The following MAP3K14 variants were observed in gnomAD, a reference collection of about 807,000 sequenced individuals.
MAP3K14 encodes NF-kappa-beta-inducing kinase.
MAP3K14 carries 16 observed loss-of-function variants against 99.2 expected under a neutral mutation model. The ratio of observed to expected loss-of-function variants is 0.16; its 90% CI spans 0.11 to 0.24. The LOEUF is 0.24. MAP3K14 is among the 10% of genes least tolerant of loss of function. The pLI is 1.00. For missense variants in MAP3K14, 784 were observed against 1,208.7 expected (o/e 0.65, Z 5.21); for synonymous variants, 462 against 492.4 (o/e 0.94, Z 0.82).
chr17:45,266,417 A>T (rs1482593153), intron 14 of MAP3K14, 120 bp downstream of exon 14: 85 of 1,316,346 alleles, frequency 6.5e-5, no homozygotes, highest in Non-Finnish European at 8.4e-5. Flanking sequence ...TTCTGGGACC[A>T]GGCGCCTTCC....
Position 45,274,567 on chromosome 17 carries a change from C to T in MAP3K14, c.1317G>A (p.Glu439=). 1 of 1,613,978 alleles carries T rather than the reference C, an allele frequency of 6.2e-7. No homozygotes were observed. ...TCAATCCTGCACATGCCATCAGCTCCTCTGCCCGAAATACTTCCAGCCGCA... is the reference window on the plus strand; with the variant it reads ...TCAATCCTGCACATGCCATCAGCTCTTCTGCCCGAAATACTTCCAGCCGCA... ...KKVRLEVFRA[E]ELMACAGLTS... Residue 439 remains glutamate (E), a synonymous_variant, in exon 7 of 16, where the codon GAG becomes GAA. Transcript: ENST00000344686.
In MAP3K14 at chr17:45,312,968, C is replaced by G. The variant is rs1377100999; in HGVS notation, c.-21+3992G>C. The stretch of plus-strand genomic sequence containing the variant: ...CCTCCAGGATTAATGCAGGAACCTA[C>G]TTGATCACGTGTGGGACACAGGAAG... On this transcript the variant is annotated intron_variant, in intron 1 of 15. Coordinates refer to ENST00000344686, the MANE Select transcript of MAP3K14 (RefSeq NM_003954.5). Among the ~76,000 whole-genome samples the G allele has an allele frequency of 1.3e-4, 20 of 152,208 alleles. 1 individual carries two copies. The highest frequency in any genetic ancestry group is 1.3e-3 in the Admixed American group (20 of 15,280).
chr17:45,267,960 T>A lies in MAP3K14; in HGVS notation c.1973-201A>T, dbSNP rs536781932. The stretch of plus-strand genomic sequence containing the variant: ...CTTCCTCAATAAAATGGTCCCAATA[T>A]GACAGGGATAGGACTGGATTTCTGT... On this transcript the variant is annotated intron_variant, in intron 11 of 15. Transcript: ENST00000344686. This position sits in a 1 kb window ranked among gnomAD's most constrained non-coding sequence, Gnocchi z 5.1. 10 of 541,198 alleles carry A rather than the reference T, an allele frequency of 1.8e-5. No homozygotes were observed. The Admixed American group carries it at 3.8e-4, about 21-fold the overall frequency. The allele number at this position is 541,198 out of a possible 1,614,324, so 33.5% of individuals were successfully genotyped here.
rs1036392760 is a variant in MAP3K14, at chr17:45,300,001, A to T, written c.-20-9236T>A. On this transcript the variant is annotated intron_variant, in intron 1 of 15. Transcript: ENST00000344686. ...GCTACTCAGGAGGCTGAGATGAGAG[A>T]ATTGCTTGAACCTAGAGGTGGAGGT... 2.6e-5 allele frequency among the ~76,000 whole-genome samples: 4 copies of T among 152,102 alleles called. No individual in the cohort carries two copies. In the East Asian group the frequency reaches 7.7e-4, roughly 29 times the overall value.
At chr17:45,293,870 T>C (rs2044329988) in intron 1 of MAP3K14, among the ~76,000 whole-genome samples, 1 of 152,078 alleles carries the variant, frequency 6.6e-6, no homozygotes, top group African/African-American at 2.4e-5. Context: ...CGGATGCACT[T>C]GCTCCCTCCC....
At position 45,284,797 on chromosome 17, in the gene MAP3K14, T is replaced by G; in HGVS notation, c.1290+15A>C. On this transcript the variant is annotated intron_variant, in intron 6 of 15. Transcript: ENST00000344686. The stretch of plus-strand genomic sequence containing the variant: ...CTGGCTTCCCTCTTCACTCAGCCCC[T>G]GAGCCCTGGCGTACCTTTTTGACAG... 6.3e-7 allele frequency: 1 copy of G among 1,585,362 alleles called. No individual in the cohort carries two copies. The highest frequency in any genetic ancestry group is 8.6e-7 in the Non-Finnish European group (1 of 1,166,138).
intron 1 of MAP3K14, among the ~76,000 whole-genome samples, chr17:45,315,290 C>A (rs1288830976): frequency 6.6e-6 from 1 of 151,972 alleles, no homozygotes; most frequent in African/African-American, 2.4e-5. Flanking sequence ...GACAAAAAAC[C>A]CCCTTCAGAA....
At chr17:45,289,773 C>G (rs936345713) in intron 2 of MAP3K14, among the ~76,000 whole-genome samples, 1 of 152,142 alleles carries the variant, frequency 6.6e-6, no homozygotes, top group Non-Finnish European at 1.5e-5. Flanking sequence ...AAAAACCAAC[C>G]AGGAGGAAGT....
In MAP3K14 at chr17:45,298,105, CAT is replaced by C. The variant is rs1406441769; in HGVS notation, c.-20-7342_-20-7341del. Among the ~76,000 whole-genome samples, 3 of 152,262 alleles carry C rather than the reference CAT, an allele frequency of 2.0e-5. No individual in the cohort carries two copies. The East Asian group carries it at 5.8e-4, about 29-fold the overall frequency. Reference sequence around the variant, plus strand: ...GGGTTGTTCAATGGGTAAAAAGTAACATGATCCTTGCCTTTTTGGGGACTTTA... The same window carrying C: ...GGGTTGTTCAATGGGTAAAAAGTAACGATCCTTGCCTTTTTGGGGACTTTA... On this transcript the variant is annotated intron_variant, in intron 1 of 15. Transcript: ENST00000344686.
chr17:45,284,719 C>T (rs563500556), intron 6 of MAP3K14, 93 bp downstream of exon 6: 65 of 1,438,950 alleles, frequency 4.5e-5, no homozygotes, highest in Non-Finnish European at 5.8e-5. Flanking sequence ...GACCCACGGC[C>T]ACCCTGCGAC....
chr17:45,300,847 TA>T (rs556328463), intron 1 of MAP3K14, among the ~76,000 whole-genome samples: 3 of 151,552 alleles, frequency 2.0e-5, no homozygotes, highest in Non-Finnish European at 4.4e-5. Context: ...GGGAACAAAT[TA>T]AAAAAAACAG....
intron 6 of MAP3K14, among the ~76,000 whole-genome samples, chr17:45,282,390 TACAAAAAATAAAA>T (rs1296716620): frequency 2.6e-5 from 4 of 151,818 alleles, no homozygotes; most frequent in Non-Finnish European, 4.4e-5. Context: ...ATCCTGTTTC[TACAAAAAATAAAA>T]AATTAGCTGG....
intron 1 of MAP3K14, among the ~76,000 whole-genome samples, chr17:45,308,352 T>C (rs1209314843): frequency 1.3e-5 from 2 of 152,178 alleles, no homozygotes; most frequent in Non-Finnish European, 1.5e-5. Flanking sequence ...CTAGAAGCAC[T>C]GCCTTGATCT....
Position 45,267,415 on chromosome 17 carries a change from G to A in MAP3K14, c.2317C>T (p.Leu773=), listed in dbSNP as rs750712807. 2.5e-6 allele frequency: 4 copies of A among 1,593,582 alleles called. No homozygotes were observed. In the South Asian group the frequency reaches 3.4e-5, roughly 14 times the overall value. Reference sequence around the variant, plus strand: ...CCACGGCTGCCCGTACCTATTTCCAGCTGCTGCAGTTCCTGCTCCGGGACG... The same window carrying A: ...CCACGGCTGCCCGTACCTATTTCCAACTGCTGCAGTTCCTGCTCCGGGACG... ...ATVPEQELQQ[L]EIELFLNSLS... The change falls in exon 12 of 16, where the codon CTG becomes TTG. Residue 773 remains leucine (L), a synonymous_variant. Transcript: ENST00000344686. This position sits in a 1 kb window ranked among gnomAD's most constrained non-coding sequence, Gnocchi z 5.1.
chr17:45,316,279 T>C (rs1423792980), intron 1 of MAP3K14, among the ~76,000 whole-genome samples: 2 of 152,216 alleles, frequency 1.3e-5, no homozygotes, highest in Non-Finnish European at 2.9e-5. Flanking sequence ...GTGGCCCCTC[T>C]CTGCCTGGTG....
At chr17:45,276,018 C>A (rs1236781768) in intron 6 of MAP3K14, among the ~76,000 whole-genome samples, 4 of 152,128 alleles carry the variant, frequency 2.6e-5, no homozygotes, top group Admixed American at 2.6e-4. Context: ...GCGTTGGCCT[C>A]CCAAAGTGCT....
intron 1 of MAP3K14, among the ~76,000 whole-genome samples, chr17:45,300,847 T>A (rs9903009): frequency 0.51 from 76,806 of 151,552 alleles, 19,873 homozygotes; most frequent in East Asian, 0.73. Flanking sequence ...GGGAACAAAT[T>A]AAAAAAAACA....
At chr17:45,274,278 T>C (rs1168597505) in intron 7 of MAP3K14, 24 bp from the exon 8 acceptor site, 1 of 1,594,726 alleles carries the variant, frequency 6.3e-7, no homozygotes, top group African/African-American at 1.3e-5. Flanking sequence ...GGCCAGGCTA[T>C]ACATGGGACT....
At chr17:45,285,040 C>T in intron 5 of MAP3K14, 91 bp from the exon 6 acceptor site, 1 of 1,416,214 alleles carries the variant, frequency 7.1e-7, no homozygotes, top group South Asian at 1.3e-5. Flanking sequence ...CAGCTGGTGA[C>T]CTTGCCAGGG....
Sources: gnomAD v4.1 joint callset for allele counts (sites outside exome capture counted in the v4.1 genomes callset) on GRCh38, gnomAD v4.1.1 for gene constraint, Gnocchi (gnomAD v3.1) non-coding constraint, MANE v1.5 for transcripts, NCBI Gene and HGNC (gene_info 2026-07-23, HGNC 2026-07-21) for gene names.